Variants in CALD1 observed in about 807,000 individuals in gnomAD.
CALD1 encodes caldesmon.
In CALD1, 33 loss-of-function variants were observed where a neutral mutation model predicts 99.9. That is an observed-to-expected ratio of 0.33 (90% confidence interval 0.25 to 0.44). The LOEUF (loss-of-function observed/expected upper bound fraction) is 0.44, where lower values mean the gene tolerates loss of function less well. CALD1 is among the 20% of genes least tolerant of loss of function. The pLI is 1.00. For synonymous variants in CALD1, 310 were observed against 325.0 expected (o/e 0.95, Z 0.50); for missense variants, 861 against 962.1 (o/e 0.89, Z 1.39).
intron 3 of CALD1, among the ~76,000 whole-genome samples, chr7:134,907,155 A>G (rs1803450553): frequency 6.6e-6 from 1 of 152,134 alleles, no homozygotes; most frequent in African/African-American, 2.4e-5. Flanking sequence ...GGCTCTGAAA[A>G]CAGCTTACCA....
At chr7:134,915,959 C>A (rs978635778) in intron 3 of CALD1, among the ~76,000 whole-genome samples, 1 of 152,300 alleles carries the variant, frequency 6.6e-6, no homozygotes, top group African/African-American at 2.4e-5. Flanking sequence ...CTTCTTTTCT[C>A]AACAGTAGGG....
chr7:134,928,995 A>T (rs1309087547), intron 4 of CALD1, 95 bp downstream of exon 4: 1 of 1,108,440 alleles, frequency 9.0e-7, no homozygotes, highest in East Asian at 2.5e-5. Context: ...TCTCAGCCCA[A>T]CTCAACCCTT....
chr7:134,935,603 A>T (rs1805905502), intron 5 of CALD1, 85 bp from the exon 6 acceptor site: 8 of 1,517,132 alleles, frequency 5.3e-6, no homozygotes, highest in African/African-American at 1.4e-5. Flanking sequence ...AGCACTTGCA[A>T]GGCGATCCGA....
chr7:134,807,685 T>C (rs1348221088), intron 1 of CALD1, among the ~76,000 whole-genome samples: 18 of 152,158 alleles, frequency 1.2e-4, no homozygotes, highest in Admixed American at 1.2e-3. Context: ...TTGTCTGGAG[T>C]GGAGCGATCT....
upstream of CALD1, among the ~76,000 whole-genome samples, chr7:134,741,522 T>C (rs774864761): frequency 6.6e-6 from 1 of 152,156 alleles, no homozygotes; most frequent in Non-Finnish European, 1.5e-5. Context: ...TGTTCAATAG[T>C]TTTAATGGGT....
intron 2 of CALD1, among the ~76,000 whole-genome samples, chr7:134,845,718 A>T (rs2132179803): frequency 6.6e-6 from 1 of 152,334 alleles, no homozygotes; most frequent in African/African-American, 2.4e-5. Flanking sequence ...TCAATGAATG[A>T]GGCCACCAAG....
At chr7:134,746,076 G>A (rs1201272239) in intron 1 of CALD1, among the ~76,000 whole-genome samples, 2 of 152,188 alleles carry the variant, frequency 1.3e-5, no homozygotes, top group African/African-American at 4.8e-5. Context: ...GTGCCTTCAG[G>A]AGTCAAAGCT....
intron 1 of CALD1, among the ~76,000 whole-genome samples, chr7:134,764,457 C>T (rs1209634262): frequency 6.6e-6 from 1 of 152,068 alleles, no homozygotes; most frequent in Non-Finnish European, 1.5e-5. Context: ...ATTGTGTTTG[C>T]CTTGTTCACC....
At chr7:134,748,044 C>A (rs927903331) in intron 1 of CALD1, among the ~76,000 whole-genome samples, 12 of 152,266 alleles carry the variant, frequency 7.9e-5, no homozygotes, top group African/African-American at 2.9e-4. Context: ...AGAGGTAGGA[C>A]TGCCATCCCA....
At chr7:134,891,755 A>T in intron 3 of CALD1, 1 of 966,620 alleles carries the variant, frequency 1.0e-6, no homozygotes, top group Non-Finnish European at 1.5e-6. Context: ...TAAAAAAAAA[A>T]AAAAAAAAAA....
At chr7:134,882,605 T>C (rs1009390241) in intron 3 of CALD1, among the ~76,000 whole-genome samples, 1 of 152,210 alleles carries the variant, frequency 6.6e-6, no homozygotes, top group African/African-American at 2.4e-5. Flanking sequence ...AATCAAAAAT[T>C]TCTCTAATGA....
At chr7:134,755,627 A>G (rs1422567026) in intron 1 of CALD1, among the ~76,000 whole-genome samples, 1 of 152,196 alleles carries the variant, frequency 6.6e-6, no homozygotes, top group African/African-American at 2.4e-5. Flanking sequence ...CCGGTGGTGT[A>G]CAGTACACAG....
intron 1 of CALD1, among the ~76,000 whole-genome samples, chr7:134,821,072 T>G (rs1798754933): frequency 1.3e-5 from 2 of 152,150 alleles, no homozygotes; most frequent in Non-Finnish European, 2.9e-5. Flanking sequence ...AAATGAAAGC[T>G]AAGCAACTGT....
chr7:134,729,930 T>C, the CALD1 span, among the ~76,000 whole-genome samples: 2 of 152,054 alleles, frequency 1.3e-5, no homozygotes, highest in African/African-American at 4.8e-5. Context: ...TTGGATGGGA[T>C]TTATGCTCCT....
intron 2 of CALD1, among the ~76,000 whole-genome samples, chr7:134,854,697 A>AT (rs1413876188): frequency 2.0e-5 from 3 of 152,066 alleles, no homozygotes; most frequent in African/African-American, 7.2e-5. Context: ...ATAGCTTAGG[A>AT]TTTTTTTCCC....
At chr7:134,837,635 A>G (rs1799497765) in intron 1 of CALD1, among the ~76,000 whole-genome samples, 1 of 152,086 alleles carries the variant, frequency 6.6e-6, no homozygotes, top group Admixed American at 6.5e-5. Flanking sequence ...GCGTGAGCCA[A>G]TGCACCCGGC....
chr7:134,763,563 A>G (rs1796796975), intron 1 of CALD1, among the ~76,000 whole-genome samples: 1 of 152,160 alleles, frequency 6.6e-6, no homozygotes, highest in African/African-American at 2.4e-5. Flanking sequence ...GTGTCCTGAG[A>G]GGGGCTGTCC....
intron 3 of CALD1, among the ~76,000 whole-genome samples, chr7:134,905,466 G>A (rs916452354): frequency 6.6e-6 from 1 of 152,078 alleles, no homozygotes; most frequent in Non-Finnish European, 1.5e-5. Flanking sequence ...TTGGACGTGT[G>A]TAAGACTGGT....
At chr7:134,728,273 C>T in the CALD1 span, among the ~76,000 whole-genome samples, 1 of 152,142 alleles carries the variant, frequency 6.6e-6, no homozygotes. Context: ...GAACGATTCA[C>T]GAATCGGTCA....
Sources: gnomAD v4.1 joint callset for allele counts (sites outside exome capture counted in the v4.1 genomes callset) on GRCh38, gnomAD v4.1.1 for gene constraint, MANE v1.5 for transcripts, NCBI Gene and HGNC (gene_info 2026-07-23, HGNC 2026-07-21) for gene names.